Variants in MYO7B observed in about 807,000 individuals in gnomAD.
The protein encoded by MYO7B is unconventional myosin-VIIb.
Under a neutral mutation model 259.7 loss-of-function variants are expected in MYO7B, and 212 were observed. The ratio of observed to expected loss-of-function variants is 0.82; its 90% CI spans 0.73 to 0.91. The LOEUF (loss-of-function observed/expected upper bound fraction) is 0.91. Ranked by LOEUF, MYO7B falls within the 40% of genes least tolerant of loss-of-function variation. The pLI, the probability that MYO7B is intolerant of heterozygous loss-of-function variation, is 0.00. For synonymous variants in MYO7B, 1,197 were observed against 1,166.4 expected (o/e 1.03, Z -0.54); for missense variants, 2,732 against 2,813.5 (o/e 0.97, Z 0.66).
intron 19 of MYO7B, among the ~76,000 whole-genome samples, chr2:127,601,595 C>T (rs1022262174): frequency 6.6e-6 from 1 of 152,022 alleles, no homozygotes; most frequent in African/African-American, 2.4e-5. Context: ...CTGAAGTCTA[C>T]TTTATCTGGT....
In MYO7B at chr2:127,562,482, G is replaced by GTTTTTTTTTTTT. The variant is rs56290548; in HGVS notation, c.19-1658_19-1647dup. ...CAGCTAATTTTTGTGGGGTTTTATT[G>GTTTTTTTTTTTT]TTTTTTTTTTTTTTTTTTTTTTTTG... On this transcript the variant is annotated intron_variant, in intron 2 of 47. Coordinates refer to ENST00000409816, the MANE Select transcript of MYO7B (RefSeq NM_001393586.1). Among the ~76,000 whole-genome samples, 141 of 61,204 alleles carry GTTTTTTTTTTTT rather than the reference G, an allele frequency of 2.3e-3. 1 individual carries two copies. The highest frequency in any genetic ancestry group is 4.4e-3 in the East Asian group (8 of 1,816). 40.2% of individuals were successfully genotyped at this position (61,204 alleles called of 152,430 possible).
intron 40 of MYO7B, among the ~76,000 whole-genome samples, chr2:127,633,755 G>A (rs1400695697): frequency 6.6e-6 from 1 of 152,188 alleles, no homozygotes; most frequent in Non-Finnish European, 1.5e-5. Context: ...AGGGGCCAGG[G>A]GGCAGGTAGG....
chr2:127,630,911 G>GC lies in MYO7B; in HGVS notation c.4937+9dup. On this transcript the variant is annotated splice_donor_region_variant and intron_variant, in intron 36 of 47. Transcript: ENST00000409816. ...GAGTTCTCCTATGAGTTCTTCAGGTGCCCCCCAGCCCCGCTCCGCCTCATT... is the reference window on the plus strand; with the variant it reads ...GAGTTCTCCTATGAGTTCTTCAGGTGCCCCCCCAGCCCCGCTCCGCCTCATT... The GC allele has an allele frequency of 1.3e-6, 2 of 1,562,286 alleles. No homozygotes were observed. The highest frequency in any genetic ancestry group is 1.7e-6 in the Non-Finnish European group (2 of 1,153,392).
intron 26 of MYO7B, 152 bp from the exon 27 acceptor site, chr2:127,620,188 G>C (rs1680772324): frequency 1.2e-6 from 1 of 839,084 alleles, no homozygotes; most frequent in Non-Finnish European, 1.8e-6. Context: ...ACTGTCCTGA[G>C]AGAGGAGGAG....
At chr2:127,632,551 C>A in intron 39 of MYO7B, 150 bp downstream of exon 39, 3 of 1,087,622 alleles carry the variant, frequency 2.8e-6, no homozygotes, top group Non-Finnish European at 3.8e-6. Context: ...GGGCCCCGAG[C>A]TGCCAGAGAA....
Position 127,630,891 on chromosome 2 carries a change from C to A in MYO7B, c.4920C>A (p.Phe1640Leu). ...PKEKLHTLEE[F>L]SYEFFRAPEK... ...AAAAGCTGCACACCCTGGAGGAGTTCTCCTATGAGTTCTTCAGGTGCCCCC... is the reference window on the plus strand; with the variant it reads ...AAAAGCTGCACACCCTGGAGGAGTTATCCTATGAGTTCTTCAGGTGCCCCC... Residue 1640 changes from phenylalanine (F) to leucine (L), a missense_variant, in exon 36 of 48, where the codon TTC becomes TTA. Phe to Leu is a conservative substitution (Grantham distance 22). Coordinates refer to ENST00000409816, the MANE Select transcript of MYO7B (RefSeq NM_001393586.1). 1.3e-6 allele frequency: 2 copies of A among 1,590,580 alleles called. No individual in the cohort carries two copies. Among genetic ancestry groups the A allele is most frequent in the Non-Finnish European group, 1.7e-6 (2 of 1,168,650 alleles).
chr2:127,566,809 A>G lies in MYO7B; in HGVS notation c.452A>G (p.Asp151Gly), dbSNP rs898724603. The G allele has an allele frequency of 1.2e-6, 2 of 1,610,658 alleles. No individual in the cohort carries two copies. The highest frequency in any genetic ancestry group is 2.7e-5 in the African/African-American group (2 of 74,940). Residue 151 changes from aspartate to glycine, a missense_variant, in exon 5 of 48, where the codon GAC becomes GGC. Coordinates refer to ENST00000409816, the MANE Select transcript of MYO7B (RefSeq NM_001393586.1). ...CYFSMKRNKR[D>G]QCCIISGESG... Reference sequence around the variant, plus strand: ...TTCAGCATGAAGAGGAACAAGAGGGACCAGTGCTGCATCATCAGGTGAGGC... The same window carrying G: ...TTCAGCATGAAGAGGAACAAGAGGGGCCAGTGCTGCATCATCAGGTGAGGC...
chr2:127,605,741 A>G (rs961121546), intron 19 of MYO7B, 103 bp from the exon 20 acceptor site: 1 of 968,186 alleles, frequency 1.0e-6, no homozygotes, highest in Non-Finnish European at 1.6e-6. Context: ...CATTTTTCCC[A>G]ATATTTCACT....
chr2:127,603,493 A>G (rs904178179), intron 19 of MYO7B, among the ~76,000 whole-genome samples: 40 of 152,224 alleles, frequency 2.6e-4, no homozygotes, highest in African/African-American at 8.4e-4. Context: ...AATGAGCAGT[A>G]ATAGTTTGAA....
intron 1 of MYO7B, among the ~76,000 whole-genome samples, chr2:127,543,052 C>G (rs1274897110): frequency 6.6e-6 from 1 of 152,198 alleles, no homozygotes; most frequent in Non-Finnish European, 1.5e-5. Flanking sequence ...GAGCAGGAGA[C>G]AGATGCCTTC....
intron 19 of MYO7B, among the ~76,000 whole-genome samples, chr2:127,601,655 T>A (rs1679966756): frequency 6.6e-6 from 1 of 152,236 alleles, no homozygotes; most frequent in Non-Finnish European, 1.5e-5. Flanking sequence ...ATCTATATTT[T>A]TCATCCTTTT....
chr2:127,619,056 TGTGGGGGCTGGTTGGGTTGTG>T lies in MYO7B; in HGVS notation c.3399-1282_3399-1262del, dbSNP rs1489527646. 2.0e-4 allele frequency among the ~76,000 whole-genome samples: 12 copies of T among 59,114 alleles called. No homozygotes were observed. The South Asian group carries it at 3.9e-3, about 19-fold the overall frequency. The allele number at this position is 59,114 out of a possible 152,430, so 38.8% of individuals were successfully genotyped here. ...GCTGAATGGTGGGCGCTGGTTGGAT[TGTGGGGGCTGGTTGGGTTGTG>T]GGGGCTGGTTGGGTTGTGGGGGCTG... On this transcript the variant is annotated intron_variant, in intron 26 of 47. Coordinates refer to ENST00000409816, the MANE Select transcript of MYO7B (RefSeq NM_001393586.1).
At chr2:127,538,642 T>C in intron 1 of MYO7B, among the ~76,000 whole-genome samples, 1 of 151,948 alleles carries the variant, frequency 6.6e-6, no homozygotes, top group East Asian at 1.9e-4. Flanking sequence ...CTCGGCTCAC[T>C]GCAACCTCCA....
intron 5 of MYO7B, among the ~76,000 whole-genome samples, chr2:127,569,040 T>G (rs1678476095): frequency 6.6e-6 from 1 of 151,962 alleles, no homozygotes; most frequent in African/African-American, 2.4e-5. Context: ...AAACCTTATC[T>G]CTACTAAAAA....
In MYO7B at chr2:127,546,458, AC is replaced by A. The variant is rs938414406; in HGVS notation, c.-24+10630del. On this transcript the variant is annotated intron_variant, in intron 1 of 47. Transcript: ENST00000409816. This position sits in a 1 kb window ranked among gnomAD's most constrained non-coding sequence, Gnocchi z 4.2. The stretch of plus-strand genomic sequence containing the variant: ...CTTTCAGCATATTCTTACCCACTCT[AC>A]CCATACTCCAGTTCAGTGGCACCAC... Among the ~76,000 whole-genome samples, 6 of 151,732 alleles carry A rather than the reference AC, an allele frequency of 4.0e-5. No individual in the cohort carries two copies. The highest frequency in any genetic ancestry group is 7.3e-5 in the African/African-American group (3 of 41,268).
intron 43 of MYO7B, 92 bp from the exon 44 acceptor site, chr2:127,635,630 G>A (rs1681757101): frequency 2.2e-6 from 3 of 1,365,322 alleles, no homozygotes; most frequent in Non-Finnish European, 3.0e-6. Context: ...AGTGGGCTAA[G>A]CCCCAGTTCC....
chr2:127,538,531 T>C (rs1182737073), intron 1 of MYO7B, among the ~76,000 whole-genome samples: 1 of 152,096 alleles, frequency 6.6e-6, no homozygotes, highest in East Asian at 1.9e-4. Flanking sequence ...AGCAAACGCT[T>C]TGGAGCCAAA....
chr2:127,576,884 C>T lies in MYO7B; in HGVS notation c.849+176C>T, dbSNP rs1018317423. Among the ~76,000 whole-genome samples, 1 of 152,118 alleles carries T rather than the reference C, an allele frequency of 6.6e-6. No homozygotes were observed. The highest frequency in any genetic ancestry group is 2.4e-5 in the African/African-American group (1 of 41,416). The stretch of plus-strand genomic sequence containing the variant: ...CCTCTCTGCTGGGAATCACCTTGCC[C>T]GCGTGCCTCCCGCTTCCCCGTCACA... On this transcript the variant is annotated intron_variant, in intron 8 of 47. Coordinates refer to ENST00000409816, the MANE Select transcript of MYO7B (RefSeq NM_001393586.1). The surrounding 1 kb of genome is among the most constrained non-coding windows in gnomAD (Gnocchi z 4.9).
intron 1 of MYO7B, among the ~76,000 whole-genome samples, chr2:127,558,805 AT>A (rs1283124314): frequency 2.0e-5 from 3 of 152,196 alleles, no homozygotes; most frequent in African/African-American, 7.2e-5. Context: ...AAAACCAAAC[AT>A]CGTATGTTCT....
Sources: allele counts gnomAD v4.1 joint callset (sites outside exome capture counted in the v4.1 genomes callset), GRCh38; gene constraint gnomAD v4.1.1; non-coding constraint Gnocchi (gnomAD v3.1); transcripts MANE v1.5; gene names NCBI Gene and HGNC (gene_info 2026-07-23, HGNC 2026-07-21).